Variants in LRRTM4 observed in about 807,000 individuals in gnomAD.
The protein encoded by LRRTM4 is leucine-rich repeat transmembrane neuronal protein 4.
A neutral mutation model predicts 47.6 loss-of-function variants in LRRTM4; 25 were observed. The observed-to-expected ratio is 0.53, with a 90% CI of 0.38 to 0.73. The LOEUF (loss-of-function observed/expected upper bound fraction) is 0.73, where lower values mean the gene tolerates loss of function less well. LRRTM4 is among the 30% of genes least tolerant of loss of function. The pLI is 0.00. For missense variants in LRRTM4, 638 were observed against 713.4 expected, an observed-to-expected ratio of 0.89 and a Z score of 1.20; for synonymous variants, 311 against 269.5, an observed-to-expected ratio of 1.15 and a Z score of -1.51.
rs936897814 is a variant in LRRTM4, at chr2:77,374,087, T to C, written c.1551+144231A>G. 6.6e-5 allele frequency among the ~76,000 whole-genome samples: 10 copies of C among 151,786 alleles called. 2 individuals are homozygous for C. In the Admixed American group the frequency reaches 6.6e-4, roughly 10 times the overall value. ...AGCTTATATCTGCAACCTGCCTGTC[T>C]ACCATTTCTACTGCTGCATAAAAAT... On this transcript the variant is annotated intron_variant, in intron 3 of 3. Coordinates refer to ENST00000409884, the MANE Select transcript of LRRTM4 (RefSeq NM_001134745.3).
intron 3 of LRRTM4, among the ~76,000 whole-genome samples, chr2:77,298,459 G>C (rs1218801646): frequency 6.6e-6 from 1 of 152,044 alleles, no homozygotes; most frequent in Non-Finnish European, 1.5e-5. Flanking sequence ...GGATGGTCTC[G>C]TTCTCCTGAC....
intron 3 of LRRTM4, among the ~76,000 whole-genome samples, chr2:76,853,477 C>T (rs918716793): frequency 6.6e-6 from 1 of 152,128 alleles, no homozygotes; most frequent in Non-Finnish European, 1.5e-5. Flanking sequence ...ACAAATCAAA[C>T]TCTCGTCCTT....
chr2:76,881,608 A>T (rs1296223047), intron 3 of LRRTM4, among the ~76,000 whole-genome samples: 1 of 150,940 alleles, frequency 6.6e-6, no homozygotes, highest in African/African-American at 2.4e-5. Flanking sequence ...TCTCCTTGTG[A>T]TACTTTTTAG....
At chr2:77,271,677 A>T (rs1676200624) in intron 3 of LRRTM4, among the ~76,000 whole-genome samples, 1 of 152,120 alleles carries the variant, frequency 6.6e-6, no homozygotes, top group Non-Finnish European at 1.5e-5. Flanking sequence ...TCCCCCTCTA[A>T]TTAACTTTCC....
chr2:76,913,134 ATCTT>A (rs1238312695), intron 3 of LRRTM4, among the ~76,000 whole-genome samples: 1 of 152,192 alleles, frequency 6.6e-6, no homozygotes, highest in Non-Finnish European at 1.5e-5. Flanking sequence ...TATTGAATAT[ATCTT>A]TACATCTGTC....
intron 3 of LRRTM4, among the ~76,000 whole-genome samples, chr2:77,389,949 C>A (rs967781458): frequency 6.6e-6 from 1 of 152,032 alleles, no homozygotes; most frequent in African/African-American, 2.4e-5. Context: ...ATCAGTGCTA[C>A]CCTTAAATCT....
At chr2:77,363,787 T>C (rs1213104153) in intron 3 of LRRTM4, among the ~76,000 whole-genome samples, 3 of 152,182 alleles carry the variant, frequency 2.0e-5, no homozygotes, top group Admixed American at 1.3e-4. Context: ...ATTATGTATA[T>C]AATATTTATC....
At chr2:77,495,729 G>C (rs1003332541) in intron 3 of LRRTM4, among the ~76,000 whole-genome samples, 15 of 151,952 alleles carry the variant, frequency 9.9e-5, no homozygotes, top group Non-Finnish European at 1.8e-4. Context: ...CTGTTTCATT[G>C]ATCTGCTTGT....
At chr2:77,281,790 G>T (rs1249727084) in intron 3 of LRRTM4, among the ~76,000 whole-genome samples, 1 of 151,882 alleles carries the variant, frequency 6.6e-6, no homozygotes, top group South Asian at 2.1e-4. Flanking sequence ...TGCAAATAAA[G>T]TCACAAAAAT....
At chr2:77,139,769 A>C (rs567964542) in intron 3 of LRRTM4, among the ~76,000 whole-genome samples, 1 of 152,206 alleles carries the variant, frequency 6.6e-6, no homozygotes, top group Admixed American at 6.5e-5. Flanking sequence ...AAGCAACTTC[A>C]GCAAAGTCTC....
intron 3 of LRRTM4, among the ~76,000 whole-genome samples, chr2:77,435,270 T>C (rs113760016): frequency 7.9e-5 from 12 of 152,170 alleles, no homozygotes; most frequent in African/African-American, 2.7e-4. Flanking sequence ...TTGAGATTTG[T>C]TGTGATCTCA....
chr2:77,322,412 T>C (rs530977932), intron 3 of LRRTM4, among the ~76,000 whole-genome samples: 187 of 152,230 alleles, frequency 1.2e-3, no homozygotes, highest in Middle Eastern at 3.4e-3. Flanking sequence ...CTCTTAGTGT[T>C]TCAAGATGTG....
chr2:76,887,759 C>G (rs983832849), intron 3 of LRRTM4, among the ~76,000 whole-genome samples: 1 of 149,526 alleles, frequency 6.7e-6, no homozygotes, highest in African/African-American at 2.4e-5. Context: ...ATCCAAATTG[C>G]TGAGAAAAAC....
chr2:77,302,185 TCTAA>T (rs1677148519), intron 3 of LRRTM4, among the ~76,000 whole-genome samples: 1 of 152,138 alleles, frequency 6.6e-6, no homozygotes, highest in East Asian at 1.9e-4. Context: ...CAAAAATATT[TCTAA>T]CTGAGTTTAA....
At position 76,750,347 on chromosome 2, in the gene LRRTM4, T is replaced by A. The variant is rs115599564; in HGVS notation, c.1552-1431A>T. On this transcript the variant is annotated intron_variant, in intron 3 of 3. Transcript: ENST00000409884. ...CCTCCAAGCTTTTAAGTCTTAATGA[T>A]CTTCCTTTCGTTCCCTCAGCCCTGT... Among the ~76,000 whole-genome samples the A allele has an allele frequency of 9.2e-3, 1,394 of 152,314 alleles. 9 individuals are homozygous for A. The highest frequency in any genetic ancestry group is 0.019 in the South Asian group (92 of 4,826).
At chr2:77,067,918 T>C (rs1053234194) in intron 3 of LRRTM4, among the ~76,000 whole-genome samples, 1 of 152,156 alleles carries the variant, frequency 6.6e-6, no homozygotes, top group Non-Finnish European at 1.5e-5. Context: ...GGGAAAGTGA[T>C]ATATTTTCAT....
intron 3 of LRRTM4, among the ~76,000 whole-genome samples, chr2:77,411,348 G>A (rs931903150): frequency 1.3e-5 from 2 of 151,762 alleles, no homozygotes; most frequent in African/African-American, 2.4e-5. Context: ...GGCTAACCAA[G>A]TATTGGATGC....
At chr2:77,114,445 C>T (rs1373621594) in intron 3 of LRRTM4, among the ~76,000 whole-genome samples, 2 of 152,132 alleles carry the variant, frequency 1.3e-5, no homozygotes, top group Non-Finnish European at 2.9e-5. Context: ...TTAACCCAGA[C>T]AGTACACAGA....
At chr2:76,803,266 T>C (rs1428672835) in intron 3 of LRRTM4, among the ~76,000 whole-genome samples, 1 of 152,070 alleles carries the variant, frequency 6.6e-6, no homozygotes, top group Non-Finnish European at 1.5e-5. Flanking sequence ...ACAAATGACC[T>C]GATTTTAAAA....
Sources: allele counts gnomAD v4.1 joint callset (sites outside exome capture counted in the v4.1 genomes callset), GRCh38; gene constraint gnomAD v4.1.1; transcripts MANE v1.5; gene names NCBI Gene and HGNC (gene_info 2026-07-23, HGNC 2026-07-21).